PTPRM: variants seen among roughly 807,000 people sequenced by gnomAD.
PTPRM encodes the protein receptor-type tyrosine-protein phosphatase mu.
A neutral mutation model predicts 186.7 loss-of-function variants in PTPRM; 47 were observed. The observed-to-expected ratio is 0.25, with a 90% CI of 0.20 to 0.32. PTPRM has a LOEUF of 0.32. Among genes scored for constraint, PTPRM ranks in the 10% least tolerant of loss-of-function variants. The pLI is 1.00. For synonymous variants in PTPRM, 668 were observed against 674.9 expected (o/e 0.99, Z 0.16); for missense variants, 1,494 against 1,865.0 (o/e 0.80, Z 3.66).
At chr18:8,316,381 A>T (rs1278287191) in intron 21 of PTPRM, among the ~76,000 whole-genome samples, 1 of 152,218 alleles carries the variant, frequency 6.6e-6, no homozygotes, top group Non-Finnish European at 1.5e-5. Flanking sequence ...TGTAATTTGA[A>T]TAAGCTTTAA....
rs148014938 is a variant in PTPRM, at chr18:8,170,525, A to T, written c.2300+26746A>T. 7.9e-3 allele frequency among the ~76,000 whole-genome samples: 1,190 copies of T among 151,296 alleles called. 14 individuals are homozygous for T. Among genetic ancestry groups the T allele is most frequent in the African/African-American group, 0.027 (1,125 of 41,272 alleles). On this transcript the variant is annotated intron_variant, in intron 14 of 32. Transcript: ENST00000580170. ...AAAAAAAAAAAAGCATCCCTAAATTATATATAGGTAGTCTTGGGCCTATAG... is the reference window on the plus strand; with the variant it reads ...AAAAAAAAAAAAGCATCCCTAAATTTTATATAGGTAGTCTTGGGCCTATAG...
chr18:8,083,996 C>G (rs1046119122), intron 9 of PTPRM, among the ~76,000 whole-genome samples: 14 of 152,084 alleles, frequency 9.2e-5, no homozygotes, highest in African/African-American at 3.4e-4. Context: ...GGTTTCTAGA[C>G]AGGCAATAAA....
intron 32 of PTPRM, among the ~76,000 whole-genome samples, chr18:8,395,339 A>G (rs1406552398): frequency 6.6e-6 from 1 of 152,152 alleles, no homozygotes; most frequent in African/African-American, 2.4e-5. Context: ...CGCCAAAGCC[A>G]ATGTTCCCAG....
intron 1 of PTPRM, among the ~76,000 whole-genome samples, chr18:7,646,078 C>G (rs906167252): frequency 6.6e-6 from 1 of 152,102 alleles, no homozygotes; most frequent in Non-Finnish European, 1.5e-5. Context: ...TCTTGGTGAG[C>G]CTGGAAGCAG....
At chr18:7,624,213 C>G (rs193047217) in intron 1 of PTPRM, among the ~76,000 whole-genome samples, 1 of 152,300 alleles carries the variant, frequency 6.6e-6, no homozygotes, top group Admixed American at 6.5e-5. Flanking sequence ...AACTGCTTTT[C>G]CCAGCAACTG....
At chr18:7,697,851 A>T (rs1202318208) in intron 1 of PTPRM, among the ~76,000 whole-genome samples, 2 of 152,216 alleles carry the variant, frequency 1.3e-5, no homozygotes, top group Non-Finnish European at 2.9e-5. Flanking sequence ...ATACTAGGAC[A>T]GTTTTTGATA....
chr18:7,639,896 G>C (rs2038407100), intron 1 of PTPRM, among the ~76,000 whole-genome samples: 1 of 152,094 alleles, frequency 6.6e-6, no homozygotes, highest in Non-Finnish European at 1.5e-5. Context: ...AAAGAGTATT[G>C]CCACATCTTA....
intron 7 of PTPRM, among the ~76,000 whole-genome samples, chr18:7,968,341 G>T (rs142364829): frequency 0.081 from 11,916 of 147,452 alleles, 705 homozygotes; most frequent in Middle Eastern, 0.28. Flanking sequence ...GGTACCAGCC[G>T]CTGCGAAATC....
chr18:8,245,730 T>C (rs1446956868), intron 15 of PTPRM, among the ~76,000 whole-genome samples: 1 of 152,166 alleles, frequency 6.6e-6, no homozygotes, highest in Non-Finnish European at 1.5e-5. Flanking sequence ...GTATAACCCA[T>C]TAACGTTCCA....
At chr18:8,200,280 C>T (rs558633633) in intron 14 of PTPRM, among the ~76,000 whole-genome samples, 1 of 152,100 alleles carries the variant, frequency 6.6e-6, no homozygotes, top group South Asian at 2.1e-4. Context: ...GTGCCCCCAC[C>T]GAGACCCAGG....
At chr18:7,790,685 G>A (rs1447289971) in intron 2 of PTPRM, among the ~76,000 whole-genome samples, 1 of 152,166 alleles carries the variant, frequency 6.6e-6, no homozygotes, top group African/African-American at 2.4e-5. Context: ...ATTAATTGGT[G>A]TGAAGCCCTT....
chr18:7,931,470 G>A (rs1405776350), intron 5 of PTPRM, among the ~76,000 whole-genome samples: 2 of 152,102 alleles, frequency 1.3e-5, no homozygotes, highest in African/African-American at 4.8e-5. Context: ...CTTTGAGAGG[G>A]CGAGGTGGGT....
At chr18:7,932,985 G>T (rs76549622) in intron 5 of PTPRM, among the ~76,000 whole-genome samples, 5 of 152,100 alleles carry the variant, frequency 3.3e-5, no homozygotes, top group Non-Finnish European at 7.4e-5. Context: ...GTTTTAAATT[G>T]TGCACCATTC....
chr18:7,796,487 G>A (rs2043655467), intron 2 of PTPRM, among the ~76,000 whole-genome samples: 1 of 152,214 alleles, frequency 6.6e-6, no homozygotes, highest in Admixed American at 6.5e-5. Context: ...ATTCATTCTG[G>A]GAGAGCAGCG....
At chr18:8,191,506 G>C (rs1211658659) in intron 14 of PTPRM, among the ~76,000 whole-genome samples, 1 of 152,216 alleles carries the variant, frequency 6.6e-6, no homozygotes, top group Non-Finnish European at 1.5e-5. Context: ...AAAGGCCTGA[G>C]AAATACAAGG....
intron 1 of PTPRM, among the ~76,000 whole-genome samples, chr18:7,708,946 T>C (rs1411101015): frequency 6.6e-6 from 1 of 152,172 alleles, no homozygotes; most frequent in Admixed American, 6.5e-5. Context: ...GCTCACTTCA[T>C]GGAATTTATG....
chr18:7,687,391 A>T (rs1031504140), intron 1 of PTPRM, among the ~76,000 whole-genome samples: 4 of 152,272 alleles, frequency 2.6e-5, no homozygotes, highest in African/African-American at 7.2e-5. Flanking sequence ...TTAAATAAAA[A>T]TTTTTTAATG....
At chr18:8,118,811 A>AAATATATATAT (rs372020679) in intron 13 of PTPRM, among the ~76,000 whole-genome samples, 14 of 128,366 alleles carry the variant, frequency 1.1e-4, no homozygotes, top group African/African-American at 3.5e-4. Context: ...AAAAAAAAAA[A>AAATATATATAT]ATATATATAT....
chr18:8,291,887 C>G (rs2095047220), intron 19 of PTPRM, among the ~76,000 whole-genome samples: 1 of 151,278 alleles, frequency 6.6e-6, no homozygotes, highest in South Asian at 2.1e-4. Flanking sequence ...GGTGGACTCA[C>G]AGGGTCGTTA....
Sources: gnomAD v4.1 joint callset for allele counts (sites outside exome capture counted in the v4.1 genomes callset) on GRCh38, gnomAD v4.1.1 for gene constraint, MANE v1.5 for transcripts, NCBI Gene and HGNC (gene_info 2026-07-23, HGNC 2026-07-21) for gene names.